Variants in KMT2E observed in about 807,000 individuals in gnomAD.
KMT2E encodes lysine methyltransferase 2E (inactive), also known as histone reader KMT2E.
A neutral mutation model predicts 184.6 loss-of-function variants in KMT2E; 30 were observed. That is an observed-to-expected ratio of 0.16 (90% CI 0.12 to 0.22). The LOEUF (loss-of-function observed/expected upper bound fraction) is 0.22, where lower values mean the gene tolerates loss of function less well. KMT2E is among the 10% of genes least tolerant of loss of function. KMT2E has a pLI of 1.00. For synonymous variants in KMT2E, 815 were observed against 776.5 expected, an observed-to-expected ratio of 1.05 and a Z score of -0.82; for missense variants, 2,023 against 2,237.4, an observed-to-expected ratio of 0.90 and a Z score of 1.93.
intron 3 of KMT2E, among the ~76,000 whole-genome samples, chr7:105,052,302 C>T (rs1257311153): frequency 2.0e-5 from 3 of 152,144 alleles, no homozygotes; most frequent in African/African-American, 2.4e-5. Context: ...TTGGCATAAT[C>T]TTAGCTAAAC....
At chr7:105,092,385 G>A (rs1260166013) in intron 15 of KMT2E, among the ~76,000 whole-genome samples, 1 of 152,118 alleles carries the variant, frequency 6.6e-6, no homozygotes. Context: ...CTGGGTGACA[G>A]AGCAAGACTC....
At chr7:105,042,129 T>TACAA (rs1795908215) in intron 3 of KMT2E, among the ~76,000 whole-genome samples, 1 of 152,142 alleles carries the variant, frequency 6.6e-6, no homozygotes. Context: ...TAGCTGGGAT[T>TACAA]ACAGGTGCAT....
chr7:105,071,582 G>GTATATATATATATATATATATA (rs1554392567), intron 6 of KMT2E, among the ~76,000 whole-genome samples: 4 of 34,944 alleles, frequency 1.1e-4, no homozygotes, highest in Non-Finnish European at 2.2e-4. Context: ...ATGTGTGTGT[G>GTATATATATATATATATATATA]TATATATATA....
intron 13 of KMT2E, among the ~76,000 whole-genome samples, chr7:105,086,284 C>T (rs532241322): frequency 1.3e-5 from 2 of 152,284 alleles, no homozygotes; most frequent in South Asian, 4.1e-4. Flanking sequence ...TACATGTTCT[C>T]TCCATGGTAG....
rs777580238 is a variant in KMT2E, at chr7:105,107,975, T to TTC, written c.3468+50_3468+51insTC. On this transcript the variant is annotated intron_variant, in intron 22 of 26. Transcript: ENST00000311117. ...CCTTTTAATAGTTTTTTTTTTTTTTTCATAATACTACTGAGGGGAATTGTT... is the reference window on the plus strand; with the variant it reads ...CCTTTTAATAGTTTTTTTTTTTTTTTTCCATAATACTACTGAGGGGAATTGTT... 2.2e-5 allele frequency: 26 copies of TTC among 1,158,598 alleles called. No homozygotes were observed. The African/African-American group carries it at 2.4e-4, about 11-fold the overall frequency. 71.8% of individuals were successfully genotyped at this position (1,158,598 alleles called of 1,614,324 possible). A position where few individuals can be genotyped will look rare whatever the true frequency, so the allele number is the denominator to read the frequency against.
At chr7:105,050,814 C>T (rs1796307313) in intron 3 of KMT2E, among the ~76,000 whole-genome samples, 1 of 151,958 alleles carries the variant, frequency 6.6e-6, no homozygotes, top group Admixed American at 6.6e-5. Context: ...ACTGCAATCT[C>T]CACCTTCAGG....
chr7:105,077,761 T>G (rs1049879948), intron 11 of KMT2E: 16 of 222,698 alleles, frequency 7.2e-5, no homozygotes, highest in Admixed American at 1.1e-4. Context: ...TGATTGAGAT[T>G]ACAAGGAACC....
At chr7:105,038,756 C>G (rs886805360) in intron 2 of KMT2E, among the ~76,000 whole-genome samples, 3 of 152,000 alleles carry the variant, frequency 2.0e-5, no homozygotes, top group Non-Finnish European at 4.4e-5. Context: ...ATGATTTGAC[C>G]CTAACGAATT....
intron 1 of KMT2E, among the ~76,000 whole-genome samples, chr7:105,027,860 A>G (rs2129564348): frequency 6.6e-6 from 1 of 152,250 alleles, no homozygotes; most frequent in East Asian, 1.9e-4. Context: ...GTAAGTACTT[A>G]GGAATTAAGT....
intron 2 of KMT2E, among the ~76,000 whole-genome samples, chr7:105,040,505 G>C (rs1406855843): frequency 1.3e-5 from 2 of 152,126 alleles, no homozygotes; most frequent in Non-Finnish European, 2.9e-5. Flanking sequence ...TATATTGTTA[G>C]ATCACTCACT....
At chr7:105,017,204 C>G (rs1457680289) in intron 1 of KMT2E, among the ~76,000 whole-genome samples, 1 of 152,060 alleles carries the variant, frequency 6.6e-6, no homozygotes, top group Non-Finnish European at 1.5e-5. Context: ...ATTTATGTGG[C>G]CATAGGAGGG....
chr7:105,101,842 T>C (rs751992698), intron 16 of KMT2E, 44 bp from the exon 17 acceptor site: 10 of 1,409,002 alleles, frequency 7.1e-6, no homozygotes, highest in Non-Finnish European at 9.7e-6. Context: ...AAACTTTATA[T>C]ATATGTAGTA....
Position 105,107,308 on chromosome 7 carries a change from A to C in KMT2E, c.2905-54A>C, listed in dbSNP as rs1053403891. On this transcript the variant is annotated intron_variant, in intron 21 of 26. Transcript: ENST00000311117. ...TAAATTACTGGTAAATTTTGAAATA[A>C]ACAGTCCCAAGATGTGATTATTTGT... 5.9e-6 allele frequency: 9 copies of C among 1,523,564 alleles called. No homozygotes were observed. In the Admixed American group the frequency reaches 1.7e-4, roughly 29 times the overall value. The allele number at this position is 1,523,564 out of a possible 1,614,324, so 94.4% of individuals were successfully genotyped here.
intron 15 of KMT2E, among the ~76,000 whole-genome samples, chr7:105,096,841 C>T (rs190746160): frequency 3.3e-5 from 5 of 152,278 alleles, no homozygotes; most frequent in African/African-American, 9.6e-5. Flanking sequence ...ACAATTTTCT[C>T]GGCTTTCATC....
chr7:105,045,013 T>G (rs968496604), intron 3 of KMT2E, among the ~76,000 whole-genome samples: 2 of 152,214 alleles, frequency 1.3e-5, no homozygotes, highest in Non-Finnish European at 2.9e-5. Flanking sequence ...TCATTTGGAT[T>G]AAGTCTTGAC....
chr7:105,068,623 G>GTTTTTT (rs1562904316), intron 6 of KMT2E, among the ~76,000 whole-genome samples: 1 of 134,858 alleles, frequency 7.4e-6, no homozygotes, highest in African/African-American at 3.1e-5. Context: ...GACTAGTTGT[G>GTTTTTT]GTTTTTTTTT....
At chr7:105,089,207 GT>G in intron 13 of KMT2E, 2 of 397,406 alleles carry the variant, frequency 5.0e-6, no homozygotes, top group Non-Finnish European at 4.9e-6. Context: ...AACTTTTTTT[GT>G]TTTTTTTCTG....
intron 8 of KMT2E, among the ~76,000 whole-genome samples, chr7:105,075,089 GT>G (rs887233313): frequency 1.3e-5 from 2 of 151,810 alleles, no homozygotes; most frequent in Non-Finnish European, 2.9e-5. Context: ...AGCCTTCATA[GT>G]TTTCTGTACT....
chr7:105,074,280 C>G (rs561921192), intron 7 of KMT2E, among the ~76,000 whole-genome samples: 1 of 152,150 alleles, frequency 6.6e-6, no homozygotes, highest in Non-Finnish European at 1.5e-5. Flanking sequence ...TTATCTTTGG[C>G]TAGATCTCTA....
Sources: allele counts gnomAD v4.1 joint callset (sites outside exome capture counted in the v4.1 genomes callset), GRCh38; gene constraint gnomAD v4.1.1; transcripts MANE v1.5; gene names NCBI Gene and HGNC (gene_info 2026-07-23, HGNC 2026-07-21).